The following TBC1D31 variants were observed in gnomAD, a reference collection of about 807,000 sequenced individuals.
The protein encoded by TBC1D31 is WD repeat domain 67.
In TBC1D31, 99 loss-of-function variants were observed where a neutral mutation model predicts 132.9. The ratio of observed to expected loss-of-function variants is 0.74; its 90% confidence interval spans 0.63 to 0.88. The LOEUF (loss-of-function observed/expected upper bound fraction) is 0.88. TBC1D31 is among the 40% of genes least tolerant of loss of function. The pLI is 0.00. For missense variants in TBC1D31, 1,134 were observed against 1,256.6 expected, an observed-to-expected ratio of 0.90 and a Z score of 1.48; for synonymous variants, 385 against 419.4, an observed-to-expected ratio of 0.92 and a Z score of 1.00.
At chr8:123,079,133 G>T (rs2129700268) in intron 2 of TBC1D31, among the ~76,000 whole-genome samples, 1 of 152,294 alleles carries the variant, frequency 6.6e-6, no homozygotes, top group Admixed American at 6.5e-5. Flanking sequence ...ACAAGATCAT[G>T]CAAGTTGGGT....
intron 5 of TBC1D31, among the ~76,000 whole-genome samples, chr8:123,095,640 T>G (rs1816768837): frequency 6.6e-6 from 1 of 152,214 alleles, no homozygotes; most frequent in African/African-American, 2.4e-5. Context: ...CTTTGACTAA[T>G]AGGATCCTCT....
chr8:123,077,286 C>G (rs13254600), intron 2 of TBC1D31, 29 bp downstream of exon 2: 8 of 1,559,078 alleles, frequency 5.1e-6, no homozygotes, highest in Non-Finnish European at 6.1e-6. Flanking sequence ...TATCTACGTT[C>G]TTTAACAAGT....
chr8:123,158,805 G>A, the TBC1D31 span, among the ~76,000 whole-genome samples: 7 of 152,240 alleles, frequency 4.6e-5, no homozygotes, highest in East Asian at 1.4e-3. Flanking sequence ...CCCAGTGGGA[G>A]AAGGACTGGG....
chr8:123,142,982 G>GAGGTA (rs1821850500), intron 19 of TBC1D31, among the ~76,000 whole-genome samples: 1 of 152,172 alleles, frequency 6.6e-6, no homozygotes, highest in South Asian at 2.1e-4. Context: ...ATATAGTCTG[G>GAGGTA]AGGTAGGGAG....
rs146036202 is a variant in TBC1D31 at position 123,142,010 on chromosome 8, G to A, written c.2641-252G>A. Among the ~76,000 whole-genome samples, 96 of 152,026 alleles carry A rather than the reference G, an allele frequency of 6.3e-4. No homozygotes were observed. In the East Asian group the frequency reaches 0.015, roughly 23 times the overall value. On this transcript the variant is annotated intron_variant, in intron 18 of 21. Transcript: ENST00000287380. ...TGAGTAGCTGTGACTACAGGCGCGC[G>A]CTGCCACGCCCAGCTAATTTCTACC...
At chr8:123,161,869 T>G in the TBC1D31 span, among the ~76,000 whole-genome samples, 3 of 151,712 alleles carry the variant, frequency 2.0e-5, no homozygotes, top group Middle Eastern at 3.4e-3. Context: ...ATACAAAAAA[T>G]TAGCCGGGCG....
rs752497026 is a variant in TBC1D31 at position 123,144,822 on chromosome 8, G to A, written c.2941G>A (p.Ala981Thr). 1.9e-6 allele frequency: 3 copies of A among 1,613,238 alleles called. No individual in the cohort carries two copies. Among genetic ancestry groups the A allele is most frequent in the Middle Eastern group, 1.7e-4 (1 of 6,058 alleles). The change falls in exon 20 of 22, where the codon GCT (alanine) becomes ACT (threonine). Residue 981 changes from alanine (A) to threonine (T), a missense_variant. Physicochemically the swap from Ala to Thr is moderately conservative, Grantham distance 58 (BLOSUM62 0). Transcript: ENST00000287380. ...GTTTTTAAAGCAAGAGATAAATGCGGCTGTAGAACATGCTGAAAATCCATG... is the reference window on the plus strand; with the variant it reads ...GTTTTTAAAGCAAGAGATAAATGCGACTGTAGAACATGCTGAAAATCCATG... ...KWFLKQEINAAVEHAENPCHK... is the reference protein window; with the variant it reads ...KWFLKQEINATVEHAENPCHK...
At chr8:123,119,986 T>A in intron 10 of TBC1D31, 69 bp from the exon 11 acceptor site, 1 of 1,338,382 alleles carries the variant, frequency 7.5e-7, no homozygotes. Context: ...ACTTTTTGTA[T>A]CAAATTTTTA....
chr8:123,114,317 TTTGTTG>T (rs149336241), intron 10 of TBC1D31, among the ~76,000 whole-genome samples: 1 of 151,400 alleles, frequency 6.6e-6, no homozygotes, highest in Admixed American at 6.6e-5. Context: ...TTGTTTGTTT[TTTGTTG>T]TTGTTGTTGT....
At chr8:123,093,997 C>G (rs1816607784) in intron 5 of TBC1D31, among the ~76,000 whole-genome samples, 3 of 151,850 alleles carry the variant, frequency 2.0e-5, no homozygotes, top group South Asian at 4.2e-4. Flanking sequence ...TTTATACCAG[C>G]CTTTCCTCCA....
chr8:123,154,419 G>A (rs1262830689), downstream of TBC1D31, among the ~76,000 whole-genome samples: 1 of 152,222 alleles, frequency 6.6e-6, no homozygotes, highest in Non-Finnish European at 1.5e-5. Flanking sequence ...CAAAGAAGGT[G>A]TGGTTGCAGA....
chr8:123,124,861 C>T (rs376285923), intron 11 of TBC1D31, among the ~76,000 whole-genome samples: 1 of 148,882 alleles, frequency 6.7e-6, no homozygotes, highest in South Asian at 2.1e-4. Context: ...CACTTGAACC[C>T]GGGAGGCAGA....
At chr8:123,139,331 G>T (rs1300913597) in intron 17 of TBC1D31, among the ~76,000 whole-genome samples, 1 of 152,020 alleles carries the variant, frequency 6.6e-6, no homozygotes, top group African/African-American at 2.4e-5. Context: ...TAGCAATTTT[G>T]GAAATAAGAT....
rs1245983507 is a variant in TBC1D31, at chr8:123,109,531, C to A, written c.1347C>A (p.Thr449=). The stretch of plus-strand genomic sequence containing the variant: ...CTGAAAATCATACTGCGTTTAGTAC[C>A]CTCATAGATAAGGGGACTCATGTGG... ...QLPENHTAFS[T]LIDKGTHVAF... is the part of the protein sequence containing the mutation. The change falls in exon 10 of 22, where the codon ACC becomes ACA. Residue 449 remains threonine, a synonymous_variant. Coordinates refer to ENST00000287380, the MANE Select transcript of TBC1D31 (RefSeq NM_145647.4). The A allele has an allele frequency of 6.2e-7, 1 of 1,613,816 alleles. No individual in the cohort carries two copies. The highest frequency in any genetic ancestry group is 1.7e-5 in the Admixed American group (1 of 59,988).
At chr8:123,148,010 G>A (rs1347959089) in intron 20 of TBC1D31, among the ~76,000 whole-genome samples, 3 of 151,518 alleles carry the variant, frequency 2.0e-5, no homozygotes, top group Admixed American at 6.6e-5. Context: ...ACCTGTAATC[G>A]CAGCTACTCA....
chr8:123,148,016 A>G (rs1031149131), intron 20 of TBC1D31, among the ~76,000 whole-genome samples: 2 of 152,016 alleles, frequency 1.3e-5, no homozygotes, highest in Non-Finnish European at 2.9e-5. Flanking sequence ...AATCGCAGCT[A>G]CTCAGGAGGC....
At chr8:123,160,387 C>T in the TBC1D31 span, among the ~76,000 whole-genome samples, 4 of 147,424 alleles carry the variant, frequency 2.7e-5, no homozygotes, top group South Asian at 8.5e-4. Flanking sequence ...ATTTAAAAGG[C>T]GAACTGTAGG....
the TBC1D31 span, among the ~76,000 whole-genome samples, chr8:123,160,651 C>T: frequency 6.6e-6 from 1 of 152,136 alleles, no homozygotes; most frequent in Admixed American, 6.5e-5. Flanking sequence ...CCGCAGGTTT[C>T]GGCTTTTTCC....
chr8:123,099,245 G>A (rs954441932), intron 6 of TBC1D31, among the ~76,000 whole-genome samples: 4 of 151,932 alleles, frequency 2.6e-5, no homozygotes, highest in African/African-American at 9.7e-5. Flanking sequence ...TCAGCCTCCC[G>A]AGTAGCTGGG....
Sources: allele counts gnomAD v4.1 joint callset (sites outside exome capture counted in the v4.1 genomes callset), GRCh38; gene constraint gnomAD v4.1.1; transcripts MANE v1.5; gene names NCBI Gene and HGNC (gene_info 2026-07-23, HGNC 2026-07-21).